SPAG16: variants seen among roughly 807,000 people sequenced by gnomAD.
The protein encoded by SPAG16 is sperm-associated antigen 16 protein.
In SPAG16, 86 loss-of-function variants were observed where a neutral mutation model predicts 80.4. That is an observed-to-expected ratio of 1.07 (90% CI 0.90 to 1.28). SPAG16 has a LOEUF of 1.28. Ranked by LOEUF, SPAG16 falls within the 50% of genes most tolerant of loss-of-function variation. The probability of loss-of-function intolerance (pLI) is 0.00; values close to 1 mark genes in which losing one functional copy is unlikely to be tolerated. For missense variants in SPAG16, 870 were observed against 765.3 expected, an observed-to-expected ratio of 1.14 and a Z score of -1.61; for synonymous variants, 294 against 265.9, an observed-to-expected ratio of 1.11 and a Z score of -1.03.
intron 11 of SPAG16, among the ~76,000 whole-genome samples, chr2:213,884,021 G>T (rs187943370): frequency 6.6e-6 from 1 of 152,224 alleles, no homozygotes; most frequent in East Asian, 1.9e-4. Flanking sequence ...GATTAGTATG[G>T]ATATGTGAGA....
intron 9 of SPAG16, among the ~76,000 whole-genome samples, chr2:213,425,059 C>T (rs941062734): frequency 9.2e-5 from 14 of 152,132 alleles, no homozygotes; most frequent in African/African-American, 3.1e-4. Flanking sequence ...CACGGTGGCT[C>T]ATGCCTGTAA....
At chr2:214,055,901 A>G (rs2049913733) in intron 13 of SPAG16, among the ~76,000 whole-genome samples, 1 of 151,768 alleles carries the variant, frequency 6.6e-6, no homozygotes, top group South Asian at 2.1e-4. Context: ...GCATGTTTTA[A>G]TAGAGAAAAA....
chr2:213,515,845 G>GA (rs2075401234), intron 10 of SPAG16, among the ~76,000 whole-genome samples: 1 of 152,134 alleles, frequency 6.6e-6, no homozygotes, highest in African/African-American at 2.4e-5. Context: ...CAAGACCCCA[G>GA]AAAAGAAATT....
At chr2:213,525,555 G>T (rs1331247374) in intron 10 of SPAG16, among the ~76,000 whole-genome samples, 2 of 151,938 alleles carry the variant, frequency 1.3e-5, no homozygotes, top group Admixed American at 1.3e-4. Flanking sequence ...CCAAAGTGCT[G>T]GGATTACAGG....
chr2:214,375,865 T>A (rs1700096229), intron 15 of SPAG16, among the ~76,000 whole-genome samples: 1 of 152,138 alleles, frequency 6.6e-6, no homozygotes, highest in East Asian at 1.9e-4. Flanking sequence ...AGAAGGAAGA[T>A]TTCACTATGT....
chr2:213,768,782 A>G (rs368732270), intron 10 of SPAG16, among the ~76,000 whole-genome samples: 22 of 152,308 alleles, frequency 1.4e-4, no homozygotes, highest in African/African-American at 5.3e-4. Flanking sequence ...TCATCAGCCT[A>G]TAAGGCATAA....
At chr2:214,161,686 T>G (rs974616175) in intron 15 of SPAG16, among the ~76,000 whole-genome samples, 1 of 151,926 alleles carries the variant, frequency 6.6e-6, no homozygotes, top group Non-Finnish European at 1.5e-5. Flanking sequence ...GGGGTGGGGT[T>G]GATGGGTAGA....
At chr2:213,932,199 T>TATATATATATA (rs1559602689) in intron 12 of SPAG16, among the ~76,000 whole-genome samples, 2 of 136,980 alleles carry the variant, frequency 1.5e-5, no homozygotes, top group African/African-American at 2.9e-5. Flanking sequence ...TATATATATA[T>TATATATATATA]TTGTTGTTGT....
At chr2:214,212,631 C>T (rs764141684) in intron 15 of SPAG16, among the ~76,000 whole-genome samples, 10 of 152,142 alleles carry the variant, frequency 6.6e-5, no homozygotes, top group Non-Finnish European at 1.0e-4. Context: ...TCCAGAAGGG[C>T]AGACTAAAGC....
chr2:214,342,455 G>A (rs1188227862), intron 15 of SPAG16, among the ~76,000 whole-genome samples: 1 of 152,158 alleles, frequency 6.6e-6, no homozygotes, highest in Non-Finnish European at 1.5e-5. Context: ...GAACCCTATT[G>A]TGAACTGCCT....
At chr2:213,362,691 G>A (rs1200185160) in intron 7 of SPAG16, among the ~76,000 whole-genome samples, 1 of 152,164 alleles carries the variant, frequency 6.6e-6, no homozygotes, top group Non-Finnish European at 1.5e-5. Context: ...GTAAAATACT[G>A]TCAGACTAAT....
At chr2:213,422,346 A>T in intron 9 of SPAG16, 1 of 695,060 alleles carries the variant, frequency 1.4e-6, no homozygotes. Context: ...ACACAGATCC[A>T]GTGCCTGTGC....
chr2:213,388,004 A>C (rs894849006), intron 9 of SPAG16, among the ~76,000 whole-genome samples: 3 of 152,138 alleles, frequency 2.0e-5, no homozygotes, highest in African/African-American at 7.2e-5. Flanking sequence ...GTCTGATATA[A>C]TGATTTGGAA....
At chr2:213,535,128 T>C (rs1157731968) in intron 10 of SPAG16, among the ~76,000 whole-genome samples, 1 of 152,080 alleles carries the variant, frequency 6.6e-6, no homozygotes, top group East Asian at 1.9e-4. Flanking sequence ...ATCAAAAATG[T>C]TTATAAAAAT....
chr2:214,035,405 A>C (rs1165456465), intron 13 of SPAG16, among the ~76,000 whole-genome samples: 2 of 152,134 alleles, frequency 1.3e-5, no homozygotes, highest in African/African-American at 4.8e-5. Flanking sequence ...CAGGCCATTC[A>C]TGCCAAGGGA....
At chr2:213,300,778 A>G (rs922783213) in intron 3 of SPAG16, among the ~76,000 whole-genome samples, 3 of 152,154 alleles carry the variant, frequency 2.0e-5, no homozygotes, top group Non-Finnish European at 2.9e-5. Context: ...AATTCTTGAT[A>G]GGTATAACTC....
rs1050142095 is a variant in SPAG16, at chr2:214,150,547, C to T, written c.1720+1281C>T. On this transcript the variant is annotated intron_variant, in intron 15 of 15. Coordinates refer to ENST00000331683, the MANE Select transcript of SPAG16 (RefSeq NM_024532.5). ...TATATAATCTACATTGACACCATAG[C>T]TCTAAAGGAACTCTTACAGCTTTCA... Among the ~76,000 whole-genome samples the T allele has an allele frequency of 2.0e-5, 3 of 152,148 alleles. No homozygotes were observed. In the East Asian group the frequency reaches 5.8e-4, roughly 29 times the overall value.
intron 6 of SPAG16, among the ~76,000 whole-genome samples, chr2:213,345,952 A>G (rs1242851603): frequency 1.3e-5 from 2 of 152,168 alleles, no homozygotes; most frequent in Non-Finnish European, 2.9e-5. Flanking sequence ...ATGGCATTGA[A>G]TCTATAAATT....
intron 10 of SPAG16, among the ~76,000 whole-genome samples, chr2:213,534,197 A>T (rs2076165622): frequency 6.6e-6 from 1 of 152,032 alleles, no homozygotes; most frequent in Non-Finnish European, 1.5e-5. Flanking sequence ...AATGGTGTTA[A>T]TCTTTGGGCT....
Sources: allele counts gnomAD v4.1 joint callset (sites outside exome capture counted in the v4.1 genomes callset), GRCh38; gene constraint gnomAD v4.1.1; transcripts MANE v1.5; gene names NCBI Gene and HGNC (gene_info 2026-07-23, HGNC 2026-07-21).